The following FOCAD variants were observed in gnomAD, a reference collection of about 807,000 sequenced individuals.
FOCAD encodes the protein focadhesin.
FOCAD carries 198 observed loss-of-function variants against 225.6 expected under a neutral mutation model. That is an observed-to-expected ratio of 0.88 (90% CI 0.78 to 0.99). The LOEUF (loss-of-function observed/expected upper bound fraction) is 0.99, where lower values mean the gene tolerates loss of function less well. Among genes scored for constraint, FOCAD ranks in the 50% least tolerant of loss-of-function variants. The pLI, the probability that FOCAD is intolerant of heterozygous loss-of-function variation, is 0.00. For missense variants in FOCAD, 2,713 were observed against 2,123.6 expected, an observed-to-expected ratio of 1.28 and a Z score of -5.46; for synonymous variants, 897 against 755.0, an observed-to-expected ratio of 1.19 and a Z score of -3.08.
intron 21 of FOCAD, chr9:20,896,960 T>C (rs1309960365): frequency 1.3e-5 from 2 of 151,788 alleles, no homozygotes; most frequent in African/African-American, 4.8e-5. Flanking sequence ...GCTTTTCTGC[T>C]TGTTGGATCT....
chr9:20,874,934 A>C, intron 19 of FOCAD, 127 bp downstream of exon 19: 1 of 1,190,926 alleles, frequency 8.4e-7, no homozygotes, highest in Non-Finnish European at 1.2e-6. Context: ...CAGAATGTTA[A>C]ATGCACCCAT....
intron 11 of FOCAD, among the ~76,000 whole-genome samples, chr9:20,797,531 A>G (rs1034020415): frequency 6.6e-6 from 1 of 152,142 alleles, no homozygotes; most frequent in Admixed American, 6.5e-5. Context: ...GAGGTCCTTC[A>G]CATCCCTTGT....
chr9:20,672,261 TAGAAGA>T (rs1822086221), intron 2 of FOCAD, among the ~76,000 whole-genome samples: 1 of 152,198 alleles, frequency 6.6e-6, no homozygotes, highest in Admixed American at 6.5e-5. Flanking sequence ...GCATACTCTG[TAGAAGA>T]AGTGAGAAGT....
intron 4 of FOCAD, among the ~76,000 whole-genome samples, chr9:20,723,633 T>C (rs1586945244): frequency 6.6e-6 from 1 of 152,270 alleles, no homozygotes; most frequent in Non-Finnish European, 1.5e-5. Context: ...TATTATATTC[T>C]ATGTAATATA....
At chr9:20,830,216 C>A (rs989254840) in intron 15 of FOCAD, among the ~76,000 whole-genome samples, 2 of 151,864 alleles carry the variant, frequency 1.3e-5, no homozygotes, top group East Asian at 3.9e-4. Context: ...TTTTTTCTGT[C>A]CTTCTCCATT....
At chr9:20,753,576 G>A (rs1828769070) in intron 5 of FOCAD, among the ~76,000 whole-genome samples, 1 of 151,750 alleles carries the variant, frequency 6.6e-6, no homozygotes, top group Admixed American at 6.6e-5. Flanking sequence ...ATTTTATTGA[G>A]GATTTTTGCA....
rs1564024181 is a variant in FOCAD, at chr9:20,815,123, G to GTGTTTTTTTTTTTTTTTT, written c.1456-4672_1456-4671insGTTTTTTTTTTTTTTTTT. 2.2e-3 allele frequency among the ~76,000 whole-genome samples: 187 copies of GTGTTTTTTTTTTTTTTTT among 85,360 alleles called. 37 individuals carry two copies. The highest frequency in any genetic ancestry group is 4.0e-3 in the South Asian group (10 of 2,520). The allele number at this position is 85,360 out of a possible 152,430, so 56.0% of individuals were successfully genotyped here. On this transcript the variant is annotated intron_variant, in intron 11 of 43. Coordinates refer to ENST00000338382, the MANE Select transcript of FOCAD (RefSeq NM_001375567.1). ...TCTGGAAATATCATTACTTCTCTTT[G>GTGTTTTTTTTTTTTTTTT]TTTTTTTTTTTTTGTTTTTTTTTTT...
intron 25 of FOCAD, among the ~76,000 whole-genome samples, chr9:20,925,788 C>G (rs1834881556): frequency 6.6e-6 from 1 of 151,926 alleles, no homozygotes; most frequent in Non-Finnish European, 1.5e-5. Context: ...TGTTTTCTAC[C>G]TAATCTTTCA....
intron 4 of FOCAD, among the ~76,000 whole-genome samples, chr9:20,721,723 TG>T (rs753842121): frequency 6.6e-6 from 1 of 152,110 alleles, no homozygotes; most frequent in Non-Finnish European, 1.5e-5. Context: ...CAAAAATTTG[TG>T]GAAAGATTCC....
chr9:20,840,347 A>G (rs996426849), intron 15 of FOCAD, among the ~76,000 whole-genome samples: 5 of 151,570 alleles, frequency 3.3e-5, no homozygotes, highest in South Asian at 4.2e-4. Context: ...TCTCTCATCA[A>G]TGTTTTATAG....
chr9:20,938,891 T>A (rs1836317798), intron 28 of FOCAD, among the ~76,000 whole-genome samples: 1 of 151,818 alleles, frequency 6.6e-6, no homozygotes, highest in Non-Finnish European at 1.5e-5. Context: ...ATAAATGTAT[T>A]ATTACCACTG....
At chr9:20,779,602 T>C (rs1244643957) in intron 9 of FOCAD, among the ~76,000 whole-genome samples, 3 of 151,976 alleles carry the variant, frequency 2.0e-5, no homozygotes, top group Non-Finnish European at 4.4e-5. Flanking sequence ...ACAAAAAAAT[T>C]AGCCAGGCGT....
intron 5 of FOCAD, among the ~76,000 whole-genome samples, chr9:20,744,051 C>T (rs1827842507): frequency 6.6e-6 from 1 of 152,136 alleles, no homozygotes. Flanking sequence ...AGAGAGCAAG[C>T]CAACTTTGGA....
intron 5 of FOCAD, among the ~76,000 whole-genome samples, chr9:20,746,440 G>A (rs1267349953): frequency 2.6e-5 from 4 of 152,122 alleles, no homozygotes; most frequent in Non-Finnish European, 5.9e-5. Context: ...TTAAAGAGCC[G>A]TGGGAAGTCA....
At chr9:20,699,448 A>G (rs1823656129) in intron 1 of FOCAD, among the ~76,000 whole-genome samples, 1 of 151,950 alleles carries the variant, frequency 6.6e-6, no homozygotes, top group South Asian at 2.1e-4. Flanking sequence ...AATTAAAAAA[A>G]TCATGAAGAG....
chr9:20,862,865 G>A, intron 16 of FOCAD, 153 bp downstream of exon 16: 1 of 628,912 alleles, frequency 1.6e-6, no homozygotes, highest in Non-Finnish European at 2.4e-6. Flanking sequence ...GAGTAAGATA[G>A]CTCCTCATCA....
intron 22 of FOCAD, among the ~76,000 whole-genome samples, chr9:20,908,303 C>T (rs906031451): frequency 4.6e-5 from 7 of 151,724 alleles, no homozygotes; most frequent in South Asian, 2.1e-4. Flanking sequence ...ATGAGGTGGG[C>T]GGGGTGAGAG....
At chr9:20,963,971 T>G (rs1267644894) in intron 35 of FOCAD, among the ~76,000 whole-genome samples, 1 of 151,722 alleles carries the variant, frequency 6.6e-6, no homozygotes, top group Non-Finnish European at 1.5e-5. Flanking sequence ...GCTGCTAGAG[T>G]CAGTACCTGA....
chr9:20,944,013 C>T (rs1416186153), intron 28 of FOCAD, among the ~76,000 whole-genome samples: 1 of 152,192 alleles, frequency 6.6e-6, no homozygotes, highest in Admixed American at 6.5e-5. Context: ...TGTCCATTTT[C>T]TCTTCTGACC....
Sources: gnomAD v4.1 joint callset for allele counts (sites outside exome capture counted in the v4.1 genomes callset) on GRCh38, gnomAD v4.1.1 for gene constraint, MANE v1.5 for transcripts, NCBI Gene and HGNC (gene_info 2026-07-23, HGNC 2026-07-21) for gene names.